Variants in PDIA6 observed in about 807,000 individuals in gnomAD.
PDIA6 encodes protein disulfide-isomerase A6.
In PDIA6, 29 loss-of-function variants were observed where a neutral mutation model predicts 58.4. The observed-to-expected ratio is 0.50, with a 90% CI of 0.37 to 0.68. The LOEUF (loss-of-function observed/expected upper bound fraction) is 0.68. Among genes scored for constraint, PDIA6 ranks in the 30% least tolerant of loss-of-function variants. The pLI, the probability that PDIA6 is intolerant of heterozygous loss-of-function variation, is 0.00. For missense variants in PDIA6, 480 were observed against 551.0 expected (o/e 0.87, Z 1.29); for synonymous variants, 192 against 202.6 (o/e 0.95, Z 0.44).
intron 1 of PDIA6, among the ~76,000 whole-genome samples, chr2:10,806,815 T>C (rs1427289131): frequency 1.3e-5 from 2 of 152,164 alleles, no homozygotes; most frequent in East Asian, 1.9e-4. Flanking sequence ...GATACACAAA[T>C]GCTTGCCATT....
intron 1 of PDIA6, chr2:10,821,469 T>C (rs569980491): frequency 2.0e-5 from 3 of 152,442 alleles, no homozygotes; most frequent in African/African-American, 7.2e-5. Context: ...GGCTGTGTGG[T>C]TGGGTGTTGC....
In PDIA6 at chr2:10,786,211, T is replaced by C. The variant is rs535082022; in HGVS notation, c.1157+1070A>G. Among the ~76,000 whole-genome samples the C allele has an allele frequency of 3.3e-3, 504 of 151,912 alleles. 3 individuals carry two copies. Among genetic ancestry groups the C allele is most frequent in the African/African-American group, 0.012 (488 of 41,432 alleles). On this transcript the variant is annotated intron_variant, in intron 11 of 12. Transcript: ENST00000272227. ...GGTGGCAGGCGCCTGTAATCCCAGC[T>C]ACTCAGGAGGCTGAGGCAGGAGAAT...
At chr2:10,789,667 G>T in intron 8 of PDIA6, 82 bp downstream of exon 8, 3 of 1,254,298 alleles carry the variant, frequency 2.4e-6, no homozygotes, top group South Asian at 2.7e-5. Flanking sequence ...GGCATAAAAT[G>T]AACAGTGTGT....
At chr2:10,790,648 C>G (rs748738605) in intron 7 of PDIA6, 71 bp downstream of exon 7, 3 of 1,070,882 alleles carry the variant, frequency 2.8e-6, no homozygotes, top group Non-Finnish European at 4.4e-6. Context: ...CATAGGGAGG[C>G]CTGGAGTATT....
chr2:10,788,032 C>T (rs914084789), intron 10 of PDIA6, among the ~76,000 whole-genome samples: 5 of 147,546 alleles, frequency 3.4e-5, no homozygotes, highest in African/African-American at 2.5e-5. Context: ...TGCCACTGCA[C>T]TCCACCCTGG....
At chr2:10,806,633 A>AGAAG (rs1666772200) in intron 1 of PDIA6, among the ~76,000 whole-genome samples, 1 of 149,128 alleles carries the variant, frequency 6.7e-6, no homozygotes, top group East Asian at 2.0e-4. Flanking sequence ...AAAGACAGAA[A>AGAAG]GAAAGAAAGA....
At chr2:10,819,714 C>A (rs532606323) in intron 1 of PDIA6, among the ~76,000 whole-genome samples, 1 of 152,222 alleles carries the variant, frequency 6.6e-6, no homozygotes, top group Non-Finnish European at 1.5e-5. Context: ...CCATCCACTT[C>A]GTAGCCCAGG....
rs765655090 is a variant in PDIA6, at chr2:10,790,722, G to A, written c.696C>T (p.Tyr232=). The change falls in exon 7 of 13, where the codon TAC becomes TAT. Residue 232 remains tyrosine, a synonymous_variant. Coordinates refer to ENST00000272227, the MANE Select transcript of PDIA6 (RefSeq NM_005742.4). ...ATVNQVLASR[Y]GIRGFPTIKI... is the part of the protein sequence containing the mutation. ...TGAGCCTTATAAGTATACTCACCCC[G>A]TATCGGGAGGCCAGAACCTGATTGA... 1.0e-5 allele frequency: 16 copies of A among 1,605,654 alleles called. No individual in the cohort carries two copies. The highest frequency in any genetic ancestry group is 1.7e-4 in the Middle Eastern group (1 of 6,046).
In PDIA6 at chr2:10,790,727, G is replaced by A; in HGVS notation, c.691C>T (p.Arg231Ter). 3.1e-6 allele frequency: 5 copies of A among 1,609,774 alleles called. No individual in the cohort carries two copies. The highest frequency in any genetic ancestry group is 4.3e-6 in the Non-Finnish European group (5 of 1,176,036). ...DATVNQVLAS[R>*]YGIRGFPTIK... ...CTTATAAGTATACTCACCCCGTATCGGGAGGCCAGAACCTGATTGACTGTA... is the reference window on the plus strand; with the variant it reads ...CTTATAAGTATACTCACCCCGTATCAGGAGGCCAGAACCTGATTGACTGTA... Residue 231 changes from arginine to a stop codon, truncating the protein, a stop_gained, in exon 7 of 13, where the codon CGA (arginine) becomes TGA (stop). Transcript: ENST00000272227. LOFTEE classifies it high-confidence loss of function.
intron 1 of PDIA6, among the ~76,000 whole-genome samples, chr2:10,803,551 G>C (rs1666602876): frequency 6.6e-6 from 1 of 152,160 alleles, no homozygotes; most frequent in Admixed American, 6.5e-5. Context: ...ATAAAGACAG[G>C]ATACAGTGTC....
At chr2:10,826,551 G>A (rs58734081) in intron 1 of PDIA6, among the ~76,000 whole-genome samples, 2 of 152,122 alleles carry the variant, frequency 1.3e-5, no homozygotes, top group Non-Finnish European at 2.9e-5. Flanking sequence ...GTAGAGAGGA[G>A]GTTTTGCCAT....
intron 1 of PDIA6, among the ~76,000 whole-genome samples, chr2:10,803,080 T>C (rs1164028937): frequency 2.0e-5 from 3 of 152,248 alleles, no homozygotes; most frequent in Admixed American, 6.5e-5. Context: ...ACATTATCTT[T>C]ATTCAAATAT....
At chr2:10,809,645 C>CAAAAAAAAAAA (rs56308831) in intron 1 of PDIA6, among the ~76,000 whole-genome samples, 5 of 64,668 alleles carry the variant, frequency 7.7e-5, no homozygotes, top group African/African-American at 2.1e-4. Context: ...GACCCGGTCT[C>CAAAAAAAAAAA]AAAAAAAAAA....
Position 10,793,205 on chromosome 2 carries a change from A to T in PDIA6, c.347-3T>A. The T allele has an allele frequency of 6.2e-7, 1 of 1,600,314 alleles. No individual in the cohort carries two copies. The highest frequency in any genetic ancestry group is 8.5e-7 in the Non-Finnish European group (1 of 1,171,142). ...AATGGCTTCACCAGTTCTGCCACCTACAGGAGACGGAAGGTAGGCGGTCCT... is the reference window on the plus strand; with the variant it reads ...AATGGCTTCACCAGTTCTGCCACCTTCAGGAGACGGAAGGTAGGCGGTCCT... On this transcript the variant is annotated splice_polypyrimidine_tract_variant and splice_region_variant and intron_variant, in intron 4 of 12. Transcript: ENST00000272227.
chr2:10,825,870 G>A (rs1335251917), intron 1 of PDIA6, among the ~76,000 whole-genome samples: 3 of 152,180 alleles, frequency 2.0e-5, no homozygotes, highest in African/African-American at 4.8e-5. Context: ...CTCCAACACC[G>A]GCTTTTGGGA....
At chr2:10,799,995 A>G (rs1686441) in intron 2 of PDIA6, among the ~76,000 whole-genome samples, 74,110 of 145,530 alleles carry the variant, frequency 0.51, 19,639 homozygotes, top group Middle Eastern at 0.59. Context: ...AATTTGGATG[A>G]AAAAAAAGTC....
intron 1 of PDIA6, among the ~76,000 whole-genome samples, chr2:10,803,590 C>A (rs1255320671): frequency 1.3e-5 from 2 of 152,188 alleles, no homozygotes; most frequent in Non-Finnish European, 2.9e-5. Flanking sequence ...ACAGTTCTGC[C>A]ACATTGTGGA....
chr2:10,835,849 G>A (rs1667821373), upstream of PDIA6, among the ~76,000 whole-genome samples: 1 of 152,184 alleles, frequency 6.6e-6, no homozygotes, highest in Non-Finnish European at 1.5e-5. Context: ...TCAGGAGTTC[G>A]AGACCTGCCT....
intron 1 of PDIA6, among the ~76,000 whole-genome samples, chr2:10,830,948 C>T (rs1184072987): frequency 6.6e-6 from 1 of 152,172 alleles, no homozygotes; most frequent in Non-Finnish European, 1.5e-5. Context: ...CTTAGCCTCT[C>T]TGTCTCCCTC....
Sources: allele counts gnomAD v4.1 joint callset (sites outside exome capture counted in the v4.1 genomes callset), GRCh38; gene constraint gnomAD v4.1.1; transcripts MANE v1.5; gene names NCBI Gene and HGNC (gene_info 2026-07-23, HGNC 2026-07-21).